Variants in WWP1 observed in about 807,000 individuals in gnomAD.
WWP1 encodes the protein WW domain containing E3 ubiquitin protein ligase 1, also known as NEDD4-like E3 ubiquitin-protein ligase WWP1.
A neutral mutation model predicts 130.6 loss-of-function variants in WWP1; 49 were observed. That is an observed-to-expected ratio of 0.38 (90% CI 0.30 to 0.48). The LOEUF (loss-of-function observed/expected upper bound fraction) is 0.48. Ranked by LOEUF, WWP1 falls within the 20% of genes least tolerant of loss-of-function variation. The pLI is 0.99. For synonymous variants in WWP1, 332 were observed against 367.8 expected, an observed-to-expected ratio of 0.90 and a Z score of 1.11; for missense variants, 809 against 1,100.6, an observed-to-expected ratio of 0.74 and a Z score of 3.75.
chr8:86,423,063 AT>A (rs200170387), intron 9 of WWP1, among the ~76,000 whole-genome samples: 1,666 of 140,584 alleles, frequency 0.012, 20 homozygotes, highest in African/African-American at 0.037. Context: ...AGGTTTCTTC[AT>A]TTTTTTTTTT....
At chr8:86,455,091 G>A (rs79920403) in intron 21 of WWP1, among the ~76,000 whole-genome samples, 2,249 of 151,964 alleles carry the variant, frequency 0.015, 24 homozygotes, top group Middle Eastern at 0.027. Flanking sequence ...CCTTTTATAG[G>A]TTAACATCTG....
chr8:86,382,574 C>A (rs997798759), intron 5 of WWP1, among the ~76,000 whole-genome samples: 1 of 152,164 alleles, frequency 6.6e-6, no homozygotes, highest in Admixed American at 6.5e-5. Context: ...TGGCATGTGC[C>A]TGTTGTCCCA....
rs1164702970 is a variant in WWP1, at chr8:86,458,038, A to G, written c.2499+13A>G. The G allele has an allele frequency of 7.5e-6, 12 of 1,603,644 alleles. No homozygotes were observed. The highest frequency in any genetic ancestry group is 1.0e-5 in the Non-Finnish European group (12 of 1,171,596). On this transcript the variant is annotated intron_variant, in intron 22 of 24. Coordinates refer to ENST00000517970, the MANE Select transcript of WWP1 (RefSeq NM_007013.4). ...TTGGTTTTGGCAGGTATTTGCTTTT[A>G]TCTTTTTTGAAACAAAGTACTCAAC...
chr8:86,459,108 C>G (rs777033899), intron 22 of WWP1, among the ~76,000 whole-genome samples: 1 of 145,290 alleles, frequency 6.9e-6, no homozygotes, highest in Non-Finnish European at 1.5e-5. Flanking sequence ...CAGCTCATTG[C>G]ACCCTCTGCC....
At chr8:86,362,268 C>CTT (rs1295157535) in intron 1 of WWP1, among the ~76,000 whole-genome samples, 1 of 123,696 alleles carries the variant, frequency 8.1e-6, no homozygotes, top group African/African-American at 3.1e-5. Flanking sequence ...TATTGATCAC[C>CTT]TTTTTTTTTT....
intron 5 of WWP1, 141 bp downstream of exon 5, chr8:86,381,770 C>A: frequency 1.2e-6 from 1 of 864,438 alleles, no homozygotes; most frequent in Non-Finnish European, 1.6e-6. Context: ...AACTTTGTGG[C>A]ATTTTATGAA....
intron 1 of WWP1, among the ~76,000 whole-genome samples, chr8:86,358,422 A>G (rs1301493246): frequency 6.6e-6 from 1 of 151,396 alleles, no homozygotes; most frequent in African/African-American, 2.4e-5. Context: ...ACATAATAAT[A>G]TGTTGTTTTA....
intron 9 of WWP1, among the ~76,000 whole-genome samples, chr8:86,413,631 G>A (rs368572142): frequency 6.6e-6 from 1 of 152,178 alleles, no homozygotes. Context: ...CAGTAGAGCC[G>A]ACTGCACATT....
rs1812201988 is a variant in WWP1 at position 86,466,902 on chromosome 8, T to G, written c.*9T>G. ...GATTTGGACAAGAATGAATGTGGCT[T>G]CTTATTTTGGAGGAGCTCTTGCATT... On this transcript the variant is annotated 3_prime_UTR_variant, in exon 25 of 25. Coordinates refer to ENST00000517970, the MANE Select transcript of WWP1 (RefSeq NM_007013.4). 3 of 1,596,466 alleles carry G rather than the reference T, an allele frequency of 1.9e-6. No individual in the cohort carries two copies. In the African/African-American group the frequency reaches 4.1e-5, roughly 22 times the overall value.
At chr8:86,465,498 C>T (rs150671796) in intron 24 of WWP1, among the ~76,000 whole-genome samples, 3 of 152,096 alleles carry the variant, frequency 2.0e-5, no homozygotes, top group African/African-American at 2.4e-5. Flanking sequence ...TGGTGGCATG[C>T]GCCTGTACTC....
rs183848970 is a variant in WWP1, at chr8:86,422,524, G to C, written c.1062-2699G>C. On this transcript the variant is annotated intron_variant, in intron 9 of 24. Coordinates refer to ENST00000517970, the MANE Select transcript of WWP1 (RefSeq NM_007013.4). ...ACAGGAGTGTGTGCCACCATGGCTG[G>C]CTAATTTTTTTTTTTCTTTGGGATT... Among the ~76,000 whole-genome samples the C allele has an allele frequency of 2.9e-3, 447 of 151,566 alleles. 2 individuals are homozygous for C. The highest frequency in any genetic ancestry group is 0.01 in the African/African-American group (425 of 41,356).
intron 24 of WWP1, 95 bp downstream of exon 24, chr8:86,461,941 T>C: frequency 1.1e-6 from 1 of 942,118 alleles, no homozygotes; most frequent in South Asian, 1.5e-5. Flanking sequence ...TAACTGCTTA[T>C]TCATTAAAGT....
chr8:86,381,803 T>C (rs1434679367), intron 5 of WWP1, among the ~76,000 whole-genome samples, 174 bp downstream of exon 5: 1 of 152,218 alleles, frequency 6.6e-6, no homozygotes, highest in Non-Finnish European at 1.5e-5. Flanking sequence ...TACCATGGCC[T>C]TTCTGCATTC....
chr8:86,373,552 T>C (rs770192111), intron 2 of WWP1, among the ~76,000 whole-genome samples: 7 of 152,234 alleles, frequency 4.6e-5, no homozygotes, highest in Non-Finnish European at 8.8e-5. Context: ...AGACAGAGTC[T>C]CGCTCTGTTG....
chr8:86,366,707 T>G (rs1310651504), intron 1 of WWP1, among the ~76,000 whole-genome samples: 2 of 152,190 alleles, frequency 1.3e-5, no homozygotes, highest in African/African-American at 4.8e-5. Flanking sequence ...GCCATTACAC[T>G]GTTCACTAGG....
chr8:86,415,397 TATCTC>T (rs143615954), intron 9 of WWP1, among the ~76,000 whole-genome samples: 12 of 152,324 alleles, frequency 7.9e-5, no homozygotes, highest in Non-Finnish European at 1.8e-4. Context: ...GTGCTTGCCT[TATCTC>T]ATCTCTTCAT....
intron 9 of WWP1, among the ~76,000 whole-genome samples, chr8:86,417,963 C>T (rs779354616): frequency 1.8e-4 from 27 of 152,064 alleles, no homozygotes; most frequent in Non-Finnish European, 3.2e-4. Context: ...TAAAAAAACT[C>T]GTTGAGTAAT....
chr8:86,355,907 A>G (rs1303042736), intron 1 of WWP1, among the ~76,000 whole-genome samples: 4 of 152,192 alleles, frequency 2.6e-5, no homozygotes, highest in Non-Finnish European at 4.4e-5. Context: ...TGCAGTGCGT[A>G]TGTAGTGAAA....
At chr8:86,443,907 G>A (rs1483320196) in intron 18 of WWP1, among the ~76,000 whole-genome samples, 1 of 152,188 alleles carries the variant, frequency 6.6e-6, no homozygotes, top group African/African-American at 2.4e-5. Flanking sequence ...TGTAATAGGA[G>A]ATGAGATTGA....
Sources: allele counts gnomAD v4.1 joint callset (sites outside exome capture counted in the v4.1 genomes callset), GRCh38; gene constraint gnomAD v4.1.1; transcripts MANE v1.5; gene names NCBI Gene and HGNC (gene_info 2026-07-23, HGNC 2026-07-21).